The following RARB variants were observed in gnomAD, a reference collection of about 807,000 sequenced individuals.
RARB encodes HBV-activated protein.
Under a neutral mutation model 51.9 loss-of-function variants are expected in RARB, and 17 were observed. The ratio of observed to expected loss-of-function variants is 0.33; its 90% confidence interval spans 0.22 to 0.49. The LOEUF is 0.49. Among genes scored for constraint, RARB ranks in the 20% least tolerant of loss-of-function variants. The pLI is 0.99. For missense variants in RARB, 369 were observed against 550.8 expected (o/e 0.67, Z 3.30); for synonymous variants, 215 against 195.4 (o/e 1.10, Z -0.84).
intron 3 of RARB, among the ~76,000 whole-genome samples, chr3:25,091,161 C>A (rs1272486095): frequency 6.6e-6 from 1 of 152,160 alleles, no homozygotes; most frequent in Non-Finnish European, 1.5e-5. Flanking sequence ...GTCCCCTGGG[C>A]AAGCCCACGT....
At chr3:25,166,050 T>A (rs960623657) in intron 4 of RARB, among the ~76,000 whole-genome samples, 3 of 152,054 alleles carry the variant, frequency 2.0e-5, no homozygotes, top group Non-Finnish European at 4.4e-5. Flanking sequence ...TATTTAGATT[T>A]CATCCTCCCT....
intron 5 of RARB, among the ~76,000 whole-genome samples, chr3:25,356,020 A>G (rs977182739): frequency 2.0e-5 from 3 of 152,152 alleles, no homozygotes; most frequent in African/African-American, 7.2e-5. Flanking sequence ...TATTTTTAAA[A>G]ATTCTCTATT....
chr3:25,433,595 A>C (rs1310003160), intron 1 of RARB, among the ~76,000 whole-genome samples: 1 of 152,224 alleles, frequency 6.6e-6, no homozygotes, highest in East Asian at 1.9e-4. Context: ...CCTCTTAAAA[A>C]GTTGGAGCTG....
intron 5 of RARB, among the ~76,000 whole-genome samples, chr3:25,239,449 T>A (rs1207857965): frequency 6.6e-6 from 1 of 152,220 alleles, no homozygotes; most frequent in Non-Finnish European, 1.5e-5. Context: ...TATGTTTAAG[T>A]CTTTAATCCA....
intron 5 of RARB, among the ~76,000 whole-genome samples, chr3:25,247,034 C>G (rs896435361): frequency 2.6e-5 from 4 of 152,228 alleles, no homozygotes; most frequent in African/African-American, 9.6e-5. Context: ...GAGGAGGAAT[C>G]TAGACAGGCG....
chr3:25,573,118 C>T (rs1044694879), intron 4 of RARB, among the ~76,000 whole-genome samples: 1 of 152,124 alleles, frequency 6.6e-6, no homozygotes, highest in Non-Finnish European at 1.5e-5. Flanking sequence ...TAAACCACGT[C>T]CCAGAGTTTC....
chr3:25,470,610 G>A (rs757059029), intron 2 of RARB, among the ~76,000 whole-genome samples: 4 of 152,144 alleles, frequency 2.6e-5, no homozygotes, highest in Non-Finnish European at 5.9e-5. Flanking sequence ...TGGAAAAATG[G>A]AAATCTATCC....
intron 5 of RARB, among the ~76,000 whole-genome samples, chr3:25,412,968 G>A (rs1489635504): frequency 2.6e-5 from 4 of 151,782 alleles, no homozygotes; most frequent in Non-Finnish European, 4.4e-5. Flanking sequence ...GTGGTGAGCC[G>A]AGATCTTGCC....
At chr3:25,534,930 C>T (rs889713918) in intron 3 of RARB, among the ~76,000 whole-genome samples, 5 of 152,254 alleles carry the variant, frequency 3.3e-5, no homozygotes, top group Admixed American at 2.0e-4. Flanking sequence ...TTCTGAAGCC[C>T]AGACCATATT....
At chr3:24,962,335 A>G (rs1420435244) in intron 2 of RARB, among the ~76,000 whole-genome samples, 1 of 152,166 alleles carries the variant, frequency 6.6e-6, no homozygotes, top group Non-Finnish European at 1.5e-5. Flanking sequence ...GGGCTGTCCC[A>G]TGCCTTGTAG....
chr3:25,010,050 A>T (rs1298795493), intron 2 of RARB, among the ~76,000 whole-genome samples: 1 of 152,056 alleles, frequency 6.6e-6, no homozygotes, highest in Non-Finnish European at 1.5e-5. Flanking sequence ...CTGATTGTTT[A>T]TTATAACCTT....
chr3:25,439,220 A>T (rs961975203), intron 1 of RARB, among the ~76,000 whole-genome samples: 1 of 152,228 alleles, frequency 6.6e-6, no homozygotes, highest in Non-Finnish European at 1.5e-5. Flanking sequence ...GACAAAGAGG[A>T]AGAAAGAAAA....
intron 2 of RARB, among the ~76,000 whole-genome samples, chr3:25,020,974 A>T (rs1697624543): frequency 6.6e-6 from 1 of 152,198 alleles, no homozygotes; most frequent in Admixed American, 6.5e-5. Flanking sequence ...TCTCAAAATA[A>T]ATAAATAAAT....
At chr3:24,991,270 G>C (rs973192021) in intron 2 of RARB, among the ~76,000 whole-genome samples, 1 of 152,052 alleles carries the variant, frequency 6.6e-6, no homozygotes, top group Non-Finnish European at 1.5e-5. Flanking sequence ...GCGAAAGCCC[G>C]TCTCTATTAA....
At chr3:25,398,993 C>T (rs998298037) in intron 5 of RARB, among the ~76,000 whole-genome samples, 1 of 151,988 alleles carries the variant, frequency 6.6e-6, no homozygotes, top group African/African-American at 2.4e-5. Context: ...CCAAAGTCCC[C>T]AGATTACATG....
At chr3:24,861,879 G>C (rs1702755435) in intron 2 of RARB, among the ~76,000 whole-genome samples, 1 of 152,182 alleles carries the variant, frequency 6.6e-6, no homozygotes, top group South Asian at 2.1e-4. Context: ...GACCACCAGG[G>C]CTCCCTGGAT....
Position 25,146,499 on chromosome 3 carries a change from G to GTTTTTTTT in RARB, c.-280+14294_-280+14295insTTTTTTTT, listed in dbSNP as rs1413825514. ...CAGGCTATAATTTGCTAAGTTTTTT[G>GTTTTTTTT]TTTGTTTGTTTGTTTTTTTTTTTTT... On this transcript the variant is annotated intron_variant, in intron 4 of 11. Transcript: ENST00000383772. Among the ~76,000 whole-genome samples the GTTTTTTTT allele has an allele frequency of 6.3e-3, 661 of 104,258 alleles. 85 individuals carry two copies. The highest frequency in any genetic ancestry group is 9.7e-3 in the Non-Finnish European group (487 of 50,106). The allele number at this position is 104,258 out of a possible 152,430, so 68.4% of individuals were successfully genotyped here.
At chr3:25,472,845 A>T (rs762655485) in intron 2 of RARB, among the ~76,000 whole-genome samples, 8 of 152,204 alleles carry the variant, frequency 5.3e-5, no homozygotes, top group Non-Finnish European at 8.8e-5. Flanking sequence ...GTGTCATCAC[A>T]CAAGGCAAAG....
At chr3:25,119,497 A>G (rs1211984433) in intron 3 of RARB, among the ~76,000 whole-genome samples, 1 of 152,116 alleles carries the variant, frequency 6.6e-6, no homozygotes, top group Non-Finnish European at 1.5e-5. Context: ...TGGTACAGAC[A>G]ATGCTCAACA....
Sources: allele counts gnomAD v4.1 joint callset (sites outside exome capture counted in the v4.1 genomes callset), GRCh38; gene constraint gnomAD v4.1.1; transcripts MANE v1.5; gene names NCBI Gene and HGNC (gene_info 2026-07-23, HGNC 2026-07-21).